The following GSE1 variants were observed in gnomAD, a reference collection of about 807,000 sequenced individuals.
GSE1 encodes the protein genetic suppressor element 1.
In GSE1, 32 loss-of-function variants were observed where a neutral mutation model predicts 112.6. That is an observed-to-expected ratio of 0.28 (90% CI 0.21 to 0.38). The LOEUF (loss-of-function observed/expected upper bound fraction) is 0.38, where lower values mean the gene tolerates loss of function less well. Among genes scored for constraint, GSE1 ranks in the 10% least tolerant of loss-of-function variants. GSE1 has a pLI of 1.00. For missense variants in GSE1, 2,348 were observed against 1,699.2 expected (o/e 1.38, Z -6.71); for synonymous variants, 1,115 against 735.6 (o/e 1.52, Z -8.35).
rs73256101 is a variant in GSE1 at position 85,212,029 on chromosome 16, C to T, written c.2283+40222C>T. On this transcript the variant is annotated intron_variant, in intron 1 of 2. Coordinates refer to the GSE1 transcript ENST00000637419. ...CTGTTACAGGCTGAGCCATGTCCCT[C>T]AACTTTGTGTGTTGCAGCCCTGACC... Among the ~76,000 whole-genome samples, 306 of 152,330 alleles carry T rather than the reference C, an allele frequency of 2.0e-3. 3 individuals carry two copies. Among genetic ancestry groups the T allele is most frequent in the African/African-American group, 7.1e-3 (297 of 41,566 alleles).
intron 2 of GSE1, among the ~76,000 whole-genome samples, chr16:85,363,045 C>T (rs944835264): frequency 1.3e-5 from 2 of 152,122 alleles, no homozygotes; most frequent in Non-Finnish European, 2.9e-5. Context: ...CCATGTTGCC[C>T]AGGGTGGTTT....
At chr16:85,399,040 A>T (rs1311038643) in intron 2 of GSE1, among the ~76,000 whole-genome samples, 1 of 152,110 alleles carries the variant, frequency 6.6e-6, no homozygotes, top group Non-Finnish European at 1.5e-5. Flanking sequence ...TGGCAGACAC[A>T]TATGCATGTG....
chr16:85,661,328 A>T lies in GSE1; in HGVS notation c.1823A>T (p.His608Leu), dbSNP rs201295401. 1.8e-4 allele frequency: 298 copies of T among 1,612,078 alleles called. No individual in the cohort carries two copies. The highest frequency in any genetic ancestry group is 2.3e-4 in the Non-Finnish European group (276 of 1,179,648). ...RRAESHSLHS[H>L]PAAFEPSRQA... Reference sequence around the variant, plus strand: ...GCCGAAAGCCACTCTCTGCACAGCCACCCGGCTGCATTTGAGCCCAGCCGC... The same window carrying T: ...GCCGAAAGCCACTCTCTGCACAGCCTCCCGGCTGCATTTGAGCCCAGCCGC... The change falls in exon 9 of 16, where the codon CAC (histidine) becomes CTC (leucine). Residue 608 changes from histidine to leucine, a missense_variant. His to Leu is a moderately conservative substitution (Grantham distance 99). Transcript: ENST00000253458.
chr16:85,172,876 C>T (rs1045327230), intron 1 of GSE1, among the ~76,000 whole-genome samples: 1 of 152,254 alleles, frequency 6.6e-6, no homozygotes, highest in African/African-American at 2.4e-5. Flanking sequence ...CTTACAGTGG[C>T]TGCACCCGGG....
In GSE1 at chr16:85,674,867, G is replaced by A. The variant is rs905009519; in HGVS notation, c.*2328G>A. On this transcript the variant is annotated 3_prime_UTR_variant, in exon 16 of 16. Transcript: ENST00000253458. Reference sequence around the variant, plus strand: ...CCGGCCCTTGAGCTTCTTGCCCACTGTCTCCCCATCCTTCCACCTACTTGT... The same window carrying A: ...CCGGCCCTTGAGCTTCTTGCCCACTATCTCCCCATCCTTCCACCTACTTGT... 6.6e-6 allele frequency: 1 copy of A among 152,632 alleles called. No individual in the cohort carries two copies. Among genetic ancestry groups the A allele is most frequent in the African/African-American group, 2.4e-5 (1 of 41,420 alleles). 9.5% of individuals were successfully genotyped at this position (152,632 alleles called of 1,614,324 possible). A position where few individuals can be genotyped will look rare whatever the true frequency, so the allele number is the denominator to read the frequency against.
exon 1 of GSE1, chr16:85,170,073 C>G (rs934024995): frequency 3.0e-6 from 3 of 984,980 alleles, no homozygotes; most frequent in South Asian, 9.4e-5. Context: ...ACCCCCTTTC[C>G]GAGCCCGACC....
chr16:85,638,220 G>A (rs532933119), intron 2 of GSE1, among the ~76,000 whole-genome samples: 2 of 152,310 alleles, frequency 1.3e-5, no homozygotes, highest in African/African-American at 2.4e-5. Flanking sequence ...CAATTCAGAC[G>A]AAGCTGTGGC....
At position 85,338,975 on chromosome 16, in the gene GSE1, C is replaced by G. The variant is rs551057597; in HGVS notation, c.2284-18488C>G. ...ATGGGGCATCTCATCCTGTGAGCGT[C>G]GTCGGTTTCGGTGTTGGGGCGGGTG... On this transcript the variant is annotated intron_variant, in intron 1 of 2. Transcript: ENST00000637419. 1.8e-4 allele frequency among the ~76,000 whole-genome samples: 27 copies of G among 152,284 alleles called. No individual in the cohort carries two copies. In the South Asian group the frequency reaches 5.4e-3, roughly 30 times the overall value.
chr16:85,577,039 A>G (rs574031115), intron 1 of GSE1, among the ~76,000 whole-genome samples: 25 of 151,078 alleles, frequency 1.7e-4, no homozygotes, highest in Non-Finnish European at 3.3e-4. Context: ...GACCATCCCC[A>G]AGCACCCGGC....
At chr16:85,458,704 C>A (rs1002966893) in intron 2 of GSE1, among the ~76,000 whole-genome samples, 1 of 152,210 alleles carries the variant, frequency 6.6e-6, no homozygotes, top group Non-Finnish European at 1.5e-5. Flanking sequence ...CCGCCCCAGA[C>A]CTGCTAAATG....
intron 11 of GSE1, among the ~76,000 whole-genome samples, chr16:85,663,844 C>T (rs1022791741): frequency 1.3e-5 from 2 of 152,268 alleles, no homozygotes; most frequent in African/African-American, 4.8e-5. Context: ...GACCTGAGGA[C>T]TACCCATGTC....
At chr16:85,672,195 A>G in intron 15 of GSE1, 2 of 571,746 alleles carry the variant, frequency 3.5e-6, no homozygotes, top group Non-Finnish European at 6.5e-6. Context: ...GGGTTTCCCC[A>G]TGTTGGCCAG....
chr16:85,652,360 GCTC>G (rs1294484015), intron 3 of GSE1, among the ~76,000 whole-genome samples: 3 of 152,228 alleles, frequency 2.0e-5, no homozygotes, highest in Admixed American at 2.0e-4. Flanking sequence ...CCAGGCGCTG[GCTC>G]CTCAATAGGA....
At chr16:85,374,601 CAG>C (rs1295461354) in intron 2 of GSE1, among the ~76,000 whole-genome samples, 38 of 151,940 alleles carry the variant, frequency 2.5e-4, no homozygotes, top group African/African-American at 9.0e-4. Flanking sequence ...GTACAGGTCT[CAG>C]GGTGTGTGGC....
intron 2 of GSE1, among the ~76,000 whole-genome samples, chr16:85,477,259 T>C (rs1011675761): frequency 2.6e-5 from 4 of 152,242 alleles, no homozygotes; most frequent in Non-Finnish European, 5.9e-5. Flanking sequence ...GGGTGGGCTT[T>C]GGCTCCACAG....
intron 2 of GSE1, among the ~76,000 whole-genome samples, chr16:85,436,788 C>T (rs925541648): frequency 7.9e-5 from 12 of 152,348 alleles, no homozygotes; most frequent in African/African-American, 1.9e-4. Context: ...GGGCTGGGAC[C>T]CCACGCGCGC....
Position 85,199,255 on chromosome 16 carries a change from C to T in GSE1, c.2283+27448C>T, listed in dbSNP as rs568694486. ...TATAGGCATGAGCCACCGTGCCCCG[C>T]CTGTATATTTTATAGAGATGGGGTT... On this transcript the variant is annotated intron_variant, in intron 1 of 2. Coordinates refer to the GSE1 transcript ENST00000637419. Among the ~76,000 whole-genome samples, 571 of 152,156 alleles carry T rather than the reference C, an allele frequency of 3.8e-3. 2 individuals carry two copies. Among genetic ancestry groups the T allele is most frequent in the African/African-American group, 0.013 (552 of 41,510 alleles).
At chr16:85,475,132 C>T (rs1367464771) in intron 2 of GSE1, among the ~76,000 whole-genome samples, 1 of 152,210 alleles carries the variant, frequency 6.6e-6, no homozygotes, top group African/African-American at 2.4e-5. Flanking sequence ...CCTGCTGGCC[C>T]CCTTCTCTTC....
chr16:85,312,879 A>G (rs2045892742), intron 1 of GSE1, among the ~76,000 whole-genome samples: 1 of 152,074 alleles, frequency 6.6e-6, no homozygotes, highest in Admixed American at 6.5e-5. Flanking sequence ...ACACTGTCCA[A>G]CCCTGTCTAG....
Sources: gnomAD v4.1 joint callset for allele counts (sites outside exome capture counted in the v4.1 genomes callset) on GRCh38, gnomAD v4.1.1 for gene constraint, MANE v1.5 for transcripts, NCBI Gene and HGNC (gene_info 2026-07-23, HGNC 2026-07-21) for gene names.